The following ROBO2 variants were observed in gnomAD, a reference collection of about 807,000 sequenced individuals.
The protein encoded by ROBO2 is roundabout homolog 2.
In ROBO2, 53 loss-of-function variants were observed where a neutral mutation model predicts 160.8. The ratio of observed to expected loss-of-function variants is 0.33; its 90% CI spans 0.26 to 0.41. The LOEUF (loss-of-function observed/expected upper bound fraction) is 0.41. Among genes scored for constraint, ROBO2 ranks in the 10% least tolerant of loss-of-function variants. ROBO2 has a pLI of 1.00. For missense variants in ROBO2, 1,577 were observed against 1,722.4 expected, an observed-to-expected ratio of 0.92 and a Z score of 1.49; for synonymous variants, 664 against 611.7, an observed-to-expected ratio of 1.09 and a Z score of -1.26.
intron 2 of ROBO2, among the ~76,000 whole-genome samples, chr3:76,400,224 T>TTA (rs1319287216): frequency 6.6e-6 from 1 of 151,630 alleles, no homozygotes; most frequent in Non-Finnish European, 1.5e-5. Flanking sequence ...TTAAGATATC[T>TTA]AGACACTTAT....
At chr3:77,262,277 A>G (rs547886232) in intron 2 of ROBO2, among the ~76,000 whole-genome samples, 1 of 152,254 alleles carries the variant, frequency 6.6e-6, no homozygotes, top group East Asian at 1.9e-4. Flanking sequence ...AGGAGCTACT[A>G]TTTTGTCTTT....
chr3:76,140,329 GT>G (rs1247438686), intron 2 of ROBO2, among the ~76,000 whole-genome samples: 1 of 151,860 alleles, frequency 6.6e-6, no homozygotes, highest in Non-Finnish European at 1.5e-5. Context: ...CACTTTTTCA[GT>G]TTTTTGGGTA....
At chr3:77,298,494 T>C (rs936731983) in intron 2 of ROBO2, among the ~76,000 whole-genome samples, 7 of 152,164 alleles carry the variant, frequency 4.6e-5, no homozygotes. Context: ...GAGTCTTTTG[T>C]ATTCTTAGTC....
chr3:76,320,865 A>G (rs1335705753), intron 2 of ROBO2, among the ~76,000 whole-genome samples: 1 of 152,194 alleles, frequency 6.6e-6, no homozygotes, highest in African/African-American at 2.4e-5. Flanking sequence ...TTTCCATTGG[A>G]GGCTCCTAAA....
chr3:76,922,496 G>C (rs188175375), intron 2 of ROBO2, among the ~76,000 whole-genome samples: 1 of 152,290 alleles, frequency 6.6e-6, no homozygotes, highest in East Asian at 1.9e-4. Context: ...AGCATTCAAC[G>C]GAAAGAGCTT....
chr3:77,645,045 T>G (rs917480113), intron 25 of ROBO2, 141 bp downstream of exon 27: 7 of 849,016 alleles, frequency 8.2e-6, no homozygotes, highest in Non-Finnish European at 1.3e-5. Flanking sequence ...TCAACAAGTT[T>G]GGTCATAACT....
intron 2 of ROBO2, among the ~76,000 whole-genome samples, chr3:75,988,058 A>G (rs2065462437): frequency 6.6e-6 from 1 of 151,904 alleles, no homozygotes; most frequent in South Asian, 2.1e-4. Context: ...CATATGAAGT[A>G]TTCCTCCTCT....
intron 14 of ROBO2, among the ~76,000 whole-genome samples, chr3:77,576,509 AC>A (rs1464388163): frequency 6.6e-6 from 1 of 152,050 alleles, no homozygotes; most frequent in Non-Finnish European, 1.5e-5. Flanking sequence ...AACTACCCCC[AC>A]CTTTGATTTT....
chr3:76,392,488 T>C (rs924197551), intron 2 of ROBO2, among the ~76,000 whole-genome samples: 26 of 152,312 alleles, frequency 1.7e-4, no homozygotes, highest in Admixed American at 1.7e-3. Flanking sequence ...TGATGCTTTC[T>C]TAATTCTTTA....
chr3:76,423,458 A>G (rs934092399), intron 2 of ROBO2, among the ~76,000 whole-genome samples: 11 of 152,182 alleles, frequency 7.2e-5, no homozygotes, highest in Admixed American at 2.0e-4. Context: ...GAGGCTGTCT[A>G]CATGAGAATA....
intron 2 of ROBO2, among the ~76,000 whole-genome samples, chr3:76,648,503 G>A (rs1244459671): frequency 6.6e-6 from 1 of 152,104 alleles, no homozygotes; most frequent in Non-Finnish European, 1.5e-5. Flanking sequence ...TGGCCTGAAT[G>A]TGGGCTGTCT....
chr3:76,295,493 C>T (rs1209196091), intron 2 of ROBO2, among the ~76,000 whole-genome samples: 2 of 152,076 alleles, frequency 1.3e-5, no homozygotes, highest in African/African-American at 4.8e-5. Context: ...GGTATATGAA[C>T]ACTCCTGTTT....
At chr3:77,193,960 A>G (rs2082101378) in intron 2 of ROBO2, among the ~76,000 whole-genome samples, 1 of 152,072 alleles carries the variant, frequency 6.6e-6, no homozygotes, top group Admixed American at 6.6e-5. Flanking sequence ...CAGGAACTAT[A>G]TTTTCAGATA....
In ROBO2 at chr3:77,269,705, G is replaced by C. The variant is rs576036885; in HGVS notation, c.388+171365G>C. ...TCCCGCATATACCATATGCACAAGG[G>C]AGGGACATCTATAATATATGTATTT... is the stretch of plus-strand genomic sequence containing the variant. On this transcript the variant is annotated intron_variant, in intron 2 of 25. Coordinates refer to ENST00000461745, the Ensembl canonical transcript of ROBO2. 1.9e-3 allele frequency among the ~76,000 whole-genome samples: 291 copies of C among 152,272 alleles called. 2 individuals carry two copies. Among genetic ancestry groups the C allele is most frequent in the African/African-American group, 6.7e-3 (277 of 41,574 alleles).
chr3:76,593,387 G>C (rs1320981931), intron 2 of ROBO2, among the ~76,000 whole-genome samples: 1 of 152,030 alleles, frequency 6.6e-6, no homozygotes, highest in Non-Finnish European at 1.5e-5. Context: ...TCAGATCTGA[G>C]AGCACTTCTG....
chr3:76,951,111 A>C (rs913881922), intron 2 of ROBO2, among the ~76,000 whole-genome samples: 1 of 152,208 alleles, frequency 6.6e-6, no homozygotes, highest in Non-Finnish European at 1.5e-5. Flanking sequence ...ATTTTCATCA[A>C]GGTGATGAAG....
intron 2 of ROBO2, among the ~76,000 whole-genome samples, chr3:76,101,812 T>G (rs1243186744): frequency 3.4e-5 from 5 of 144,952 alleles, no homozygotes; most frequent in Non-Finnish European, 7.6e-5. Context: ...TGTCCCTGTG[T>G]TCCCATTATA....
chr3:77,118,062 T>C (rs577586264), intron 2 of ROBO2, among the ~76,000 whole-genome samples: 15 of 152,240 alleles, frequency 9.9e-5, no homozygotes, highest in Non-Finnish European at 1.0e-4. Flanking sequence ...GTCCAGCTTT[T>C]TACAATGTGA....
intron 2 of ROBO2, among the ~76,000 whole-genome samples, chr3:76,815,771 G>A (rs1426049013): frequency 5.3e-5 from 8 of 151,804 alleles, no homozygotes; most frequent in Non-Finnish European, 1.2e-4. Flanking sequence ...AAACCCTCTG[G>A]TAACAACTAT....
Sources: gnomAD v4.1 joint callset for allele counts (sites outside exome capture counted in the v4.1 genomes callset) on GRCh38, gnomAD v4.1.1 for gene constraint, MANE v1.5 for transcripts, NCBI Gene and HGNC (gene_info 2026-07-23, HGNC 2026-07-21) for gene names.